The following LUZP2 variants were observed in gnomAD, a reference collection of about 807,000 sequenced individuals.
LUZP2 encodes leucine zipper protein 2.
LUZP2 carries 52 observed loss-of-function variants against 51.6 expected under a neutral mutation model. That is an observed-to-expected ratio of 1.01 (90% CI 0.81 to 1.27). LUZP2 has a LOEUF of 1.27. Among genes scored for constraint, LUZP2 ranks in the 50% most tolerant of loss-of-function variants. LUZP2 has a pLI of 0.00. For missense variants in LUZP2, 436 were observed against 395.4 expected (o/e 1.10, Z -0.87); for synonymous variants, 154 against 137.3 (o/e 1.12, Z -0.85).
At chr11:24,835,964 T>C (rs530084984) in intron 5 of LUZP2, among the ~76,000 whole-genome samples, 48 of 152,056 alleles carry the variant, frequency 3.2e-4, no homozygotes, top group African/African-American at 1.2e-3. Flanking sequence ...TGAAGGAAGA[T>C]TAAAAAATTT....
At chr11:24,612,578 G>A (rs1229116282) in intron 1 of LUZP2, among the ~76,000 whole-genome samples, 1 of 151,914 alleles carries the variant, frequency 6.6e-6, no homozygotes, top group African/African-American at 2.4e-5. Context: ...TCTCAACTTT[G>A]CTCACACACT....
At chr11:24,958,022 A>G (rs1855261505) in intron 7 of LUZP2, among the ~76,000 whole-genome samples, 1 of 152,034 alleles carries the variant, frequency 6.6e-6, no homozygotes, top group African/African-American at 2.4e-5. Flanking sequence ...TGTTCTTGCG[A>G]TAGTTTACTG....
chr11:24,791,570 C>A (rs1344254319), intron 5 of LUZP2, among the ~76,000 whole-genome samples: 2 of 151,954 alleles, frequency 1.3e-5, no homozygotes, highest in African/African-American at 4.8e-5. Flanking sequence ...TTGAATATCA[C>A]TACTTGCATG....
chr11:24,707,765 A>T (rs534742026), intron 1 of LUZP2, among the ~76,000 whole-genome samples: 2 of 152,276 alleles, frequency 1.3e-5, no homozygotes, highest in South Asian at 2.1e-4. Context: ...TTATATATAA[A>T]GTTTCGGTAC....
intron 1 of LUZP2, among the ~76,000 whole-genome samples, chr11:24,632,593 G>A (rs1346121923): frequency 1.3e-5 from 2 of 151,896 alleles, no homozygotes; most frequent in Non-Finnish European, 2.9e-5. Flanking sequence ...CCATTAATCA[G>A]CACATGAAAA....
chr11:24,957,353 C>G (rs937986968), intron 7 of LUZP2, among the ~76,000 whole-genome samples: 1 of 151,982 alleles, frequency 6.6e-6, no homozygotes, highest in Non-Finnish European at 1.5e-5. Context: ...AAATATTTAT[C>G]ATTTTTTATA....
In LUZP2 at chr11:24,753,704, C is replaced by A. The variant is rs79392201; in HGVS notation, c.334-9542C>A. 3.8e-3 allele frequency among the ~76,000 whole-genome samples: 579 copies of A among 152,086 alleles called. 5 individuals carry two copies. The highest frequency in any genetic ancestry group is 0.012 in the African/African-American group (511 of 41,514). On this transcript the variant is annotated intron_variant, in intron 4 of 11. Transcript: ENST00000336930. ...ATTTTTACATTTTTAAGTTCTTGTC[C>A]CAGGAACTTCTCTTCTTCTCTTGCA...
chr11:25,080,184 G>A lies in LUZP2; in HGVS notation c.*1526G>A, dbSNP rs562526625. 9 of 152,060 alleles carry A rather than the reference G, an allele frequency of 5.9e-5. No individual in the cohort carries two copies. Among genetic ancestry groups the A allele is most frequent in the African/African-American group, 2.2e-4 (9 of 41,410 alleles). 9.4% of individuals were successfully genotyped at this position (152,060 alleles called of 1,614,324 possible). ...TGTGAAAGCTTCATAATTTCTACAT[G>A]CTTTGAATTTTGAATTTTGTTATTT... On this transcript the variant is annotated 3_prime_UTR_variant, in exon 12 of 12. Transcript: ENST00000336930.
At chr11:24,574,390 T>G (rs75572485) in intron 1 of LUZP2, among the ~76,000 whole-genome samples, 82,925 of 142,920 alleles carry the variant, frequency 0.58, 24,566 homozygotes, top group East Asian at 0.8. Context: ...TTCTTCTTTC[T>G]TTCATCTCTC....
At chr11:24,954,496 G>A (rs1438019416) in intron 7 of LUZP2, among the ~76,000 whole-genome samples, 3 of 152,044 alleles carry the variant, frequency 2.0e-5, no homozygotes, top group African/African-American at 7.2e-5. Flanking sequence ...GAGACTGGGA[G>A]TGTGGGTTGC....
chr11:24,859,290 C>T (rs772472571), intron 5 of LUZP2, among the ~76,000 whole-genome samples: 48 of 152,010 alleles, frequency 3.2e-4, no homozygotes, highest in African/African-American at 1.0e-3. Flanking sequence ...GAGCTTTTCC[C>T]GACTTATTGT....
chr11:24,737,557 T>G (rs1453075030), intron 3 of LUZP2, among the ~76,000 whole-genome samples: 1 of 151,970 alleles, frequency 6.6e-6, no homozygotes, highest in Non-Finnish European at 1.5e-5. Context: ...AAATAAATCC[T>G]AAATCCTTAA....
intron 9 of LUZP2, among the ~76,000 whole-genome samples, chr11:25,019,581 C>A (rs566021978): frequency 1.4e-3 from 210 of 152,184 alleles, no homozygotes; most frequent in Non-Finnish European, 2.3e-3. Flanking sequence ...ATAAAGTCTG[C>A]AAAGAAAATA....
At chr11:24,539,991 T>G (rs953171264) in intron 1 of LUZP2, among the ~76,000 whole-genome samples, 8 of 152,188 alleles carry the variant, frequency 5.3e-5, no homozygotes, top group Non-Finnish European at 1.2e-4. Context: ...TATATATATA[T>G]ATTCTCATTA....
intron 8 of LUZP2, among the ~76,000 whole-genome samples, chr11:24,980,285 A>ATT (rs5790448): frequency 1.3e-5 from 2 of 151,266 alleles, no homozygotes; most frequent in Non-Finnish European, 3.0e-5. Flanking sequence ...GACAAAATGC[A>ATT]TTTTTTCTGA....
At chr11:24,666,650 T>C (rs2133993174) in intron 1 of LUZP2, among the ~76,000 whole-genome samples, 1 of 152,266 alleles carries the variant, frequency 6.6e-6, no homozygotes, top group South Asian at 2.1e-4. Flanking sequence ...ATTGGATCTT[T>C]TTTCTCACCT....
intron 7 of LUZP2, among the ~76,000 whole-genome samples, chr11:24,917,410 A>G (rs1226666599): frequency 1.3e-5 from 2 of 152,130 alleles, no homozygotes; most frequent in African/African-American, 2.4e-5. Flanking sequence ...GTCCTTGCCC[A>G]TGCCTATGTC....
At chr11:25,009,675 T>C (rs1383049047) in intron 9 of LUZP2, among the ~76,000 whole-genome samples, 1 of 152,212 alleles carries the variant, frequency 6.6e-6, no homozygotes, top group Admixed American at 6.6e-5. Context: ...TTTGAGATTA[T>C]CTGAAATGTC....
At chr11:24,954,351 G>T (rs1232450094) in intron 7 of LUZP2, among the ~76,000 whole-genome samples, 2 of 151,990 alleles carry the variant, frequency 1.3e-5, no homozygotes, top group Non-Finnish European at 2.9e-5. Context: ...TTTCCACAGT[G>T]CACCTCTTCC....
Sources: allele counts gnomAD v4.1 joint callset (sites outside exome capture counted in the v4.1 genomes callset), GRCh38; gene constraint gnomAD v4.1.1; transcripts MANE v1.5; gene names NCBI Gene and HGNC (gene_info 2026-07-23, HGNC 2026-07-21).